Variants in CPNE4 observed in about 807,000 individuals in gnomAD.
CPNE4 encodes the protein copine-4.
A neutral mutation model predicts 67.9 loss-of-function variants in CPNE4; 25 were observed. The observed-to-expected ratio is 0.37, with a 90% CI of 0.27 to 0.51. CPNE4 has a LOEUF of 0.51. Among genes scored for constraint, CPNE4 ranks in the 20% least tolerant of loss-of-function variants. CPNE4 has a pLI of 0.93. For missense variants in CPNE4, 464 were observed against 690.8 expected (o/e 0.67, Z 3.68); for synonymous variants, 242 against 244.9 (o/e 0.99, Z 0.11).
At chr3:131,665,339 A>G (rs114327616) in intron 7 of CPNE4, among the ~76,000 whole-genome samples, 3,852 of 152,234 alleles carry the variant, frequency 0.025, 116 homozygotes, top group African/African-American at 0.074. Context: ...GGTAAGGATA[A>G]AAACTATCTC....
At chr3:131,997,028 T>C (rs2073312182) in intron 1 of CPNE4, among the ~76,000 whole-genome samples, 1 of 152,046 alleles carries the variant, frequency 6.6e-6, no homozygotes, top group South Asian at 2.1e-4. Flanking sequence ...ATATAAATGC[T>C]AGCACTTGCA....
At chr3:131,953,415 G>A (rs2071840280) in intron 1 of CPNE4, among the ~76,000 whole-genome samples, 1 of 151,952 alleles carries the variant, frequency 6.6e-6, no homozygotes, top group Admixed American at 6.6e-5. Flanking sequence ...TTTTTTCAGA[G>A]TTTTTATCAT....
chr3:131,660,690 A>T (rs1269085859), intron 7 of CPNE4, among the ~76,000 whole-genome samples: 1 of 152,192 alleles, frequency 6.6e-6, no homozygotes, highest in East Asian at 1.9e-4. Context: ...CTAGTTATTT[A>T]ATCTTTGTTA....
chr3:131,743,942 G>C (rs1218821272), intron 2 of CPNE4, among the ~76,000 whole-genome samples: 3 of 96,340 alleles, frequency 3.1e-5, no homozygotes, highest in Non-Finnish European at 5.3e-5. Flanking sequence ...CAGCCTGGGC[G>C]ACAGAGCGAG....
At chr3:131,645,961 T>C (rs1472287791) in intron 7 of CPNE4, among the ~76,000 whole-genome samples, 3 of 152,228 alleles carry the variant, frequency 2.0e-5, no homozygotes, top group African/African-American at 7.2e-5. Flanking sequence ...AAACTATGCA[T>C]GAAAGGCTTT....
chr3:131,819,968 G>A (rs2084903111), intron 2 of CPNE4, among the ~76,000 whole-genome samples: 1 of 152,114 alleles, frequency 6.6e-6, no homozygotes, highest in African/African-American at 2.4e-5. Context: ...ATTGACTTTT[G>A]GAATCAAACC....
At chr3:131,772,198 G>C (rs1355870059) in intron 2 of CPNE4, among the ~76,000 whole-genome samples, 1 of 152,004 alleles carries the variant, frequency 6.6e-6, no homozygotes, top group East Asian at 1.9e-4. Flanking sequence ...TGAGAGGAAG[G>C]AATGACAAAG....
intron 5 of CPNE4, among the ~76,000 whole-genome samples, chr3:131,686,300 G>GA (rs1173911148): frequency 1.2e-4 from 18 of 152,266 alleles, no homozygotes; most frequent in Admixed American, 1.2e-3. Context: ...CCAGTTCTTT[G>GA]AAAATCACTG....
At position 131,696,536 on chromosome 3, in the gene CPNE4, C is replaced by T. The variant is rs201108420; in HGVS notation, c.507+6G>A. On this transcript the variant is annotated splice_donor_region_variant and intron_variant, in intron 5 of 15. Coordinates refer to ENST00000429747, the MANE Select transcript of CPNE4 (RefSeq NM_130808.3). ...CCTTCAATAAGGTTAATGCCAAACG[C>T]TTTACCTTGTCATCCAATTTCCGTG... 355 of 1,613,054 alleles carry T rather than the reference C, an allele frequency of 2.2e-4. No individual in the cohort carries two copies. The highest frequency in any genetic ancestry group is 2.9e-4 in the Non-Finnish European group (339 of 1,179,044).
chr3:131,906,845 T>C (rs2088789293), intron 1 of CPNE4, among the ~76,000 whole-genome samples: 1 of 151,782 alleles, frequency 6.6e-6, no homozygotes, highest in African/African-American at 2.4e-5. Flanking sequence ...TCCACAATGG[T>C]TGAACTAGTT....
chr3:131,721,599 G>C (rs546667939), intron 3 of CPNE4, among the ~76,000 whole-genome samples: 55 of 152,140 alleles, frequency 3.6e-4, no homozygotes, highest in Non-Finnish European at 6.8e-4. Flanking sequence ...GTTTCACCGT[G>C]TTATCCAGGA....
intron 2 of CPNE4, among the ~76,000 whole-genome samples, chr3:131,875,276 C>T (rs1560517625): frequency 6.6e-6 from 1 of 152,102 alleles, no homozygotes; most frequent in South Asian, 2.1e-4. Flanking sequence ...GGCGATTCCT[C>T]AGGGATCTAG....
At chr3:131,785,035 C>T (rs1364177992) in intron 2 of CPNE4, among the ~76,000 whole-genome samples, 2 of 152,080 alleles carry the variant, frequency 1.3e-5, no homozygotes, top group African/African-American at 4.8e-5. Flanking sequence ...CTTGGAGCCT[C>T]TGTGTCTATA....
At chr3:131,736,867 C>T (rs1348929194) in intron 2 of CPNE4, among the ~76,000 whole-genome samples, 1 of 152,062 alleles carries the variant, frequency 6.6e-6, no homozygotes, top group Non-Finnish European at 1.5e-5. Flanking sequence ...GACTTTTTCT[C>T]CTATTTCTGT....
At chr3:131,660,590 T>C (rs955590804) in intron 7 of CPNE4, among the ~76,000 whole-genome samples, 3 of 152,178 alleles carry the variant, frequency 2.0e-5, no homozygotes, top group Admixed American at 6.5e-5. Context: ...GAAAGTTTTA[T>C]TGGACTTTAG....
intron 6 of CPNE4, among the ~76,000 whole-genome samples, chr3:131,678,834 T>G (rs2080654443): frequency 6.6e-6 from 1 of 152,206 alleles, no homozygotes; most frequent in South Asian, 2.1e-4. Context: ...GGTTTGCCAG[T>G]ATTTTGCTGA....
intron 1 of CPNE4, among the ~76,000 whole-genome samples, chr3:131,972,082 G>T (rs1053711581): frequency 6.6e-6 from 1 of 151,714 alleles, no homozygotes; most frequent in Non-Finnish European, 1.5e-5. Context: ...TCAGGATTAG[G>T]ATTATAAAAC....
intron 2 of CPNE4, among the ~76,000 whole-genome samples, chr3:131,876,022 G>A (rs2087431105): frequency 6.6e-6 from 1 of 152,020 alleles, no homozygotes. Flanking sequence ...CTTTCTAGAG[G>A]TAAAGAAGTT....
rs141219633 is a variant in CPNE4, at chr3:131,650,744, CAAAAAAAA to C, written c.681+18923_681+18930del. On this transcript the variant is annotated intron_variant, in intron 7 of 15. Transcript: ENST00000429747. ...TGGGGGACAGAGCAAGACTCCGTCT[CAAAAAAAA>C]AAAAAAAAAAAAAAAAAAAAATTCT... 1.1e-3 allele frequency among the ~76,000 whole-genome samples: 65 copies of C among 61,202 alleles called. 1 individual carries two copies. Among genetic ancestry groups the C allele is most frequent in the African/African-American group, 4.9e-3 (56 of 11,532 alleles). The allele number at this position is 61,202 out of a possible 152,430, so 40.2% of individuals were successfully genotyped here.
Sources: allele counts gnomAD v4.1 joint callset (sites outside exome capture counted in the v4.1 genomes callset), GRCh38; gene constraint gnomAD v4.1.1; transcripts MANE v1.5; gene names NCBI Gene and HGNC (gene_info 2026-07-23, HGNC 2026-07-21).